MXRA7: variants seen among roughly 807,000 people sequenced by gnomAD.
The protein encoded by MXRA7 is matrix remodeling associated 7.
A neutral mutation model predicts 17.4 loss-of-function variants in MXRA7; 18 were observed. The ratio of observed to expected loss-of-function variants is 1.03; its 90% CI spans 0.71 to 1.53. The LOEUF is 1.53. Among genes scored for constraint, MXRA7 ranks in the 40% most tolerant of loss-of-function variants. MXRA7 has a pLI of 0.00. For synonymous variants in MXRA7, 70 were observed against 101.7 expected (o/e 0.69, Z 1.87); for missense variants, 141 against 209.3 (o/e 0.67, Z 2.01).
chr17:76,673,105 A>G (rs1272297676), exon 4 of MXRA7: 1 of 152,246 alleles, frequency 6.6e-6, no homozygotes, highest in Non-Finnish European at 1.5e-5. Flanking sequence ...GGAATGGTCC[A>G]TCAGCACCTG....
Position 76,701,358 on chromosome 17 carries a change from G to GA in MXRA7, c.342+9246_342+9247insT, listed in dbSNP as rs201407798. 6.2e-5 allele frequency among the ~76,000 whole-genome samples: 9 copies of GA among 145,354 alleles called. No individual in the cohort carries two copies. The East Asian group carries it at 2.1e-3, about 33-fold the overall frequency. ...CTTTTGGTCTGAGCAGCTGAGCGTC[G>GA]GGGGGGTGGATCCGGGATGAGATGA... is the stretch of plus-strand genomic sequence containing the variant. On this transcript the variant is annotated intron_variant, in intron 1 of 3. Coordinates refer to ENST00000449428, the MANE Select transcript of MXRA7 (RefSeq NM_198530.4).
In MXRA7 at chr17:76,710,845, G is replaced by A. The variant is rs2076714511; in HGVS notation, c.102C>T (p.Ser34=). 2.1e-6 allele frequency: 2 copies of A among 969,982 alleles called. No individual in the cohort carries two copies. Among genetic ancestry groups the A allele is most frequent in the Admixed American group, 6.3e-5 (1 of 15,822 alleles). 60.1% of individuals were successfully genotyped at this position (969,982 alleles called of 1,614,324 possible). ...CCGGGGGCGCGCGGGCAGGCTCCGG[G>A]CTCGCGGCCGCCCCACGCCGCACCA... is the stretch of plus-strand genomic sequence containing the variant. ...WLLVRRGAAA[S]PEPARAPPEP... Residue 34 remains serine, a synonymous_variant, in exon 1 of 4, where the codon AGC becomes AGT. Coordinates refer to ENST00000449428, the MANE Select transcript of MXRA7 (RefSeq NM_198530.4).
chr17:76,695,757 A>G (rs953066288), intron 1 of MXRA7, among the ~76,000 whole-genome samples: 2 of 152,124 alleles, frequency 1.3e-5, no homozygotes, highest in African/African-American at 2.4e-5. Context: ...GTGGCTCTAC[A>G]GACTTGGGTA....
At chr17:76,693,906 C>G (rs11657595) in intron 1 of MXRA7, among the ~76,000 whole-genome samples, 2 of 152,048 alleles carry the variant, frequency 1.3e-5, no homozygotes, top group African/African-American at 4.8e-5. Context: ...ACTTTATATA[C>G]AGGATGTAAT....
At position 76,681,007 on chromosome 17, in the gene MXRA7, C is replaced by T; in HGVS notation, c.501-128G>A. 2 of 789,264 alleles carry T rather than the reference C, an allele frequency of 2.5e-6. No individual in the cohort carries two copies. Among genetic ancestry groups the T allele is most frequent in the South Asian group, 3.3e-5 (2 of 60,632 alleles). 48.9% of individuals were successfully genotyped at this position (789,264 alleles called of 1,614,324 possible). On this transcript the variant is annotated intron_variant, in intron 3 of 3. Transcript: ENST00000449428. This position sits in a 1 kb window ranked among gnomAD's most constrained non-coding sequence, Gnocchi z 4.7. The stretch of plus-strand genomic sequence containing the variant: ...GGAATTGCAGAAGCTGCGCTAGACT[C>T]TGGTTTCTCAAACCACTGCTGATTT...
intron 2 of MXRA7, 139 bp from the exon 3 acceptor site, chr17:76,685,304 G>A (rs886972092): frequency 1.5e-5 from 10 of 655,990 alleles, no homozygotes; most frequent in Non-Finnish European, 2.5e-5. Flanking sequence ...TCACCCCAGC[G>A]CCTATACCCC....
At position 76,710,601 on chromosome 17, in the gene MXRA7, G is replaced by A. The variant is rs1271873844; in HGVS notation, c.342+4C>T. 12 of 1,371,960 alleles carry A rather than the reference G, an allele frequency of 8.7e-6. No individual in the cohort carries two copies. Among genetic ancestry groups the A allele is most frequent in the African/African-American group, 3.0e-5 (2 of 65,980 alleles). 85.0% of individuals were successfully genotyped at this position (1,371,960 alleles called of 1,614,324 possible). On this transcript the variant is annotated splice_donor_region_variant and intron_variant, in intron 1 of 3. Coordinates refer to ENST00000449428, the MANE Select transcript of MXRA7 (RefSeq NM_198530.4). The stretch of plus-strand genomic sequence containing the variant: ...GAGGGGGCCGCGAGGGCCCCGGTGC[G>A]TACCTGCCTCGCCTCCACCGCCTGC...
exon 4 of MXRA7, chr17:76,674,284 T>A (rs920622536): frequency 6.6e-6 from 1 of 152,244 alleles, no homozygotes; most frequent in African/African-American, 2.4e-5. Context: ...CCCACACTGC[T>A]GTTTCTTTCT....
chr17:76,691,692 G>A (rs950337232), intron 1 of MXRA7, among the ~76,000 whole-genome samples: 2 of 152,122 alleles, frequency 1.3e-5, no homozygotes. Context: ...GAAGGGTTCT[G>A]TGGAGTGTTG....
intron 1 of MXRA7, among the ~76,000 whole-genome samples, chr17:76,694,755 T>C (rs2076514871): frequency 6.6e-6 from 1 of 152,108 alleles, no homozygotes; most frequent in Non-Finnish European, 1.5e-5. Context: ...TTGGCTAATT[T>C]GTGTATTTTT....
At chr17:76,701,655 C>T (rs757757592) in intron 1 of MXRA7, among the ~76,000 whole-genome samples, 1 of 151,630 alleles carries the variant, frequency 6.6e-6, no homozygotes, top group South Asian at 2.1e-4. Flanking sequence ...CTGGGTAAGC[C>T]GCAGACAAGG....
At position 76,710,671 on chromosome 17, in the gene MXRA7, G is replaced by A. The variant is rs773000148; in HGVS notation, c.276C>T (p.Pro92=). 3 of 1,313,430 alleles carry A rather than the reference G, an allele frequency of 2.3e-6. No homozygotes were observed. The highest frequency in any genetic ancestry group is 3.7e-5 in the South Asian group (2 of 53,514). 81.4% of individuals were successfully genotyped at this position (1,313,430 alleles called of 1,614,324 possible). Residue 92 remains proline, a synonymous_variant, in exon 1 of 4, where the codon CCC becomes CCT. Coordinates refer to ENST00000449428, the MANE Select transcript of MXRA7 (RefSeq NM_198530.4). ...ELGEPAGPGE[P]EGPGDPAAAP... ...CCGCCGCGGGATCCCCTGGCCCTTC[G>A]GGCTCCCCCGGTCCCGCAGGCTCCC...
chr17:76,693,603 T>A (rs1195605954), intron 1 of MXRA7, among the ~76,000 whole-genome samples: 1 of 152,144 alleles, frequency 6.6e-6, no homozygotes, highest in East Asian at 1.9e-4. Context: ...CCCAGCACTT[T>A]GGGAGGCTGA....
intron 1 of MXRA7, among the ~76,000 whole-genome samples, chr17:76,695,554 G>A (rs11077857): frequency 0.72 from 109,989 of 151,964 alleles, 41,108 homozygotes; most frequent in Non-Finnish European, 0.83. Flanking sequence ...GTTTTCAGGA[G>A]TGTGCACGGT....
intron 1 of MXRA7, among the ~76,000 whole-genome samples, chr17:76,700,252 G>A (rs2076575571): frequency 2.0e-5 from 3 of 152,164 alleles, no homozygotes; most frequent in Admixed American, 6.5e-5. Context: ...GATTACAGGC[G>A]TGAGCCACCG....
chr17:76,688,709 CAG>C (rs987298319), intron 1 of MXRA7: 3 of 1,227,752 alleles, frequency 2.4e-6, no homozygotes, highest in Middle Eastern at 2.1e-4. Context: ...ACACAATAAA[CAG>C]ATGATCAGAG....
At chr17:76,706,254 A>G (rs62085151) in intron 1 of MXRA7, among the ~76,000 whole-genome samples, 3,638 of 51,880 alleles carry the variant, frequency 0.07, 271 homozygotes, top group Admixed American at 0.074. Flanking sequence ...CCACTCTGCC[A>G]TCACAGAGGC....
At chr17:76,679,511 A>G, downstream of MXRA7, 3 of 787,734 alleles carry the variant, frequency 3.8e-6, no homozygotes, top group Non-Finnish European at 4.6e-6. Flanking sequence ...GTCAAACTTC[A>G]ATGGGTTCAA....
chr17:76,683,413 T>C (rs1464454153), intron 3 of MXRA7, among the ~76,000 whole-genome samples: 2 of 152,222 alleles, frequency 1.3e-5, no homozygotes, highest in African/African-American at 2.4e-5. Context: ...AGAACCTGCC[T>C]GTCTCACAGC....
Sources: gnomAD v4.1 joint callset for allele counts (sites outside exome capture counted in the v4.1 genomes callset) on GRCh38, gnomAD v4.1.1 for gene constraint, Gnocchi (gnomAD v3.1) non-coding constraint, MANE v1.5 for transcripts, NCBI Gene and HGNC (gene_info 2026-07-23, HGNC 2026-07-21) for gene names.